The following FAM91A1 variants were observed in gnomAD, a reference collection of about 807,000 sequenced individuals.
The protein encoded by FAM91A1 is family with sequence similarity 91 member A1.
In FAM91A1, 41 loss-of-function variants were observed where a neutral mutation model predicts 113.5. That is an observed-to-expected ratio of 0.36 (90% CI 0.28 to 0.47). The LOEUF is 0.47. FAM91A1 is among the 20% of genes least tolerant of loss of function. The probability of loss-of-function intolerance (pLI) is 1.00; values close to 1 mark genes in which losing one functional copy is unlikely to be tolerated. For synonymous variants in FAM91A1, 307 were observed against 347.9 expected, an observed-to-expected ratio of 0.88 and a Z score of 1.31; for missense variants, 696 against 1,001.2, an observed-to-expected ratio of 0.70 and a Z score of 4.11.
At chr8:123,785,187 T>C in intron 10 of FAM91A1, 68 bp downstream of exon 10, 2 of 1,275,838 alleles carry the variant, frequency 1.6e-6, no homozygotes, top group Non-Finnish European at 2.2e-6. Context: ...TAGATTTTTA[T>C]CTTGATAAGC....
chr8:123,772,961 G>A (rs1814890192), intron 1 of FAM91A1, among the ~76,000 whole-genome samples: 1 of 152,180 alleles, frequency 6.6e-6, no homozygotes, highest in Non-Finnish European at 1.5e-5. Flanking sequence ...GGCTGAGGAG[G>A]AGGAGGAGGA....
At chr8:123,778,619 G>A (rs749901173) in intron 5 of FAM91A1, 40 bp from the exon 6 acceptor site, 2 of 1,441,398 alleles carry the variant, frequency 1.4e-6, no homozygotes, top group Non-Finnish European at 1.9e-6. Context: ...GAAAGTGGTA[G>A]TTTTAGATTG....
intron 15 of FAM91A1, among the ~76,000 whole-genome samples, chr8:123,794,868 A>G (rs551159705): frequency 6.6e-6 from 1 of 152,356 alleles, no homozygotes; most frequent in South Asian, 2.1e-4. Flanking sequence ...GCAGTTGCCC[A>G]TCATTTCAAG....
In FAM91A1 at chr8:123,783,688, A is replaced by T. The variant is rs188413401; in HGVS notation, c.704-782A>T. Among the ~76,000 whole-genome samples, 343 of 152,338 alleles carry T rather than the reference A, an allele frequency of 2.3e-3. 2 individuals carry two copies. The highest frequency in any genetic ancestry group is 8.0e-3 in the African/African-American group (331 of 41,586). The stretch of plus-strand genomic sequence containing the variant: ...TCCTTCTCAGGATATTTTCAGGGTG[A>T]ATGTACCCACAGGGGAGAATGGCAA... On this transcript the variant is annotated intron_variant, in intron 8 of 23. Coordinates refer to ENST00000334705, the MANE Select transcript of FAM91A1 (RefSeq NM_144963.4).
At chr8:123,812,467 G>T (rs1815980662) in intron 23 of FAM91A1, 52 bp from the exon 24 acceptor site, 1 of 1,456,124 alleles carries the variant, frequency 6.9e-7, no homozygotes, top group Admixed American at 2.3e-5. Flanking sequence ...GTTATATTAA[G>T]TGGTTTTGGT....
chr8:123,780,375 G>A (rs1417494438), intron 7 of FAM91A1, 105 bp from the exon 8 acceptor site: 2 of 864,486 alleles, frequency 2.3e-6, no homozygotes, highest in Non-Finnish European at 3.6e-6. Context: ...TCGTCACATA[G>A]CATTCATTTG....
intron 15 of FAM91A1, among the ~76,000 whole-genome samples, chr8:123,790,708 G>C (rs1023467121): frequency 2.0e-5 from 3 of 152,144 alleles, no homozygotes; most frequent in African/African-American, 7.2e-5. Flanking sequence ...TGTCACATAG[G>C]TGAGAACAAA....
intron 3 of FAM91A1, 94 bp downstream of exon 3, chr8:123,775,392 T>C: frequency 7.0e-7 from 1 of 1,431,304 alleles, no homozygotes; most frequent in Non-Finnish European, 9.5e-7. Context: ...AGCTGTCGTC[T>C]GCGGTGGACA....
chr8:123,813,469 T>G lies in FAM91A1; in HGVS notation c.*765T>G, dbSNP rs959387161. On this transcript the variant is annotated 3_prime_UTR_variant, in exon 24 of 24. Transcript: ENST00000334705. ...AAATAGAATTTATTTTCCACTCTTG[T>G]AGCTATAGCTGCTGCACACTTTCAC... The G allele has an allele frequency of 2.6e-5, 4 of 152,630 alleles. No individual in the cohort carries two copies. The highest frequency in any genetic ancestry group is 5.9e-5 in the Non-Finnish European group (4 of 68,018). 9.5% of individuals were successfully genotyped at this position (152,630 alleles called of 1,614,324 possible). A position where few individuals can be genotyped will look rare whatever the true frequency, so the allele number is the denominator to read the frequency against.
rs75965706 is a variant in FAM91A1, at chr8:123,809,657, A to G, written c.2262-625A>G. Among the ~76,000 whole-genome samples, 1,206 of 152,324 alleles carry G rather than the reference A, an allele frequency of 7.9e-3. 17 individuals carry two copies. The highest frequency in any genetic ancestry group is 0.028 in the African/African-American group (1,152 of 41,574). ...TTGGAGAGGTGAAATCCACAAGTCA[A>G]GATCTTCTTATTTTAGAAAATGAAG... On this transcript the variant is annotated intron_variant, in intron 22 of 23. Transcript: ENST00000334705.
At chr8:123,789,495 G>A in intron 14 of FAM91A1, 118 bp from the exon 15 acceptor site, 1 of 1,470,492 alleles carries the variant, frequency 6.8e-7, no homozygotes, top group East Asian at 2.4e-5. Flanking sequence ...GGTATTGCCT[G>A]GGCAAATTTT....
At chr8:123,778,614 T>A (rs1815043546) in intron 5 of FAM91A1, 45 bp from the exon 6 acceptor site, 1 of 1,282,232 alleles carries the variant, frequency 7.8e-7, no homozygotes, top group Admixed American at 1.7e-5. Flanking sequence ...AAGAAGAAAG[T>A]GGTAGTTTTA....
At chr8:123,792,136 C>G (rs774526995) in intron 15 of FAM91A1, among the ~76,000 whole-genome samples, 3 of 151,410 alleles carry the variant, frequency 2.0e-5, no homozygotes, top group Admixed American at 2.0e-4. Flanking sequence ...AATGACACCA[C>G]TGCACTCCAG....
Position 123,774,189 on chromosome 8 carries a change from G to T in FAM91A1, c.157+25G>T, listed in dbSNP as rs777335683. The T allele has an allele frequency of 2.0e-6, 3 of 1,532,696 alleles. No individual in the cohort carries two copies. In the African/African-American group the frequency reaches 4.1e-5, roughly 21 times the overall value. 94.9% of individuals were successfully genotyped at this position (1,532,696 alleles called of 1,614,324 possible). A position where few individuals can be genotyped will look rare whatever the true frequency, so the allele number is the denominator to read the frequency against. ...GGTAAGTAGAGCCATGTTTATATTGGGGTGGAACTGACCACTACTCTTTCA... is the reference window on the plus strand; with the variant it reads ...GGTAAGTAGAGCCATGTTTATATTGTGGTGGAACTGACCACTACTCTTTCA... On this transcript the variant is annotated intron_variant, in intron 2 of 23. Coordinates refer to ENST00000334705, the MANE Select transcript of FAM91A1 (RefSeq NM_144963.4).
At chr8:123,789,783 A>G (rs773355489) in intron 15 of FAM91A1, 38 bp downstream of exon 15, 2 of 1,594,594 alleles carry the variant, frequency 1.3e-6, no homozygotes, top group Non-Finnish European at 1.7e-6. Flanking sequence ...ACATGATCAT[A>G]TGAAACTTTT....
At position 123,814,279 on chromosome 8, in the gene FAM91A1, T is replaced by G; in HGVS notation, c.*1575T>G. On this transcript the variant is annotated 3_prime_UTR_variant, in exon 24 of 24. Transcript: ENST00000334705. ...TTTTTCCAATAATTGATATTGTACA[T>G]TCCTAGTGCCATTAGGTATGTATGT... is the stretch of plus-strand genomic sequence containing the variant. The G allele has an allele frequency of 3.5e-6, 1 of 286,884 alleles. No individual in the cohort carries two copies. Among genetic ancestry groups the G allele is most frequent in the South Asian group, 3.2e-5 (1 of 31,398 alleles). 17.8% of individuals were successfully genotyped at this position (286,884 alleles called of 1,614,324 possible).
At chr8:123,810,436 C>A in intron 23 of FAM91A1, 85 bp downstream of exon 23, 2 of 1,138,812 alleles carry the variant, frequency 1.8e-6, no homozygotes, top group Non-Finnish European at 2.7e-6. Context: ...TGAGTCACCA[C>A]AGCAGCAAGA....
chr8:123,798,345 A>G (rs552892929), intron 16 of FAM91A1, 107 bp downstream of exon 16: 1 of 1,316,750 alleles, frequency 7.6e-7, no homozygotes, highest in African/African-American at 1.5e-5. Flanking sequence ...AATCATAGAA[A>G]GCAATTTTGT....
intron 1 of FAM91A1, among the ~76,000 whole-genome samples, chr8:123,771,553 A>G (rs1170304213): frequency 6.6e-6 from 1 of 152,218 alleles, no homozygotes; most frequent in African/African-American, 2.4e-5. Context: ...GGTATGGGTC[A>G]TGATAGACTT....
Sources: allele counts gnomAD v4.1 joint callset (sites outside exome capture counted in the v4.1 genomes callset), GRCh38; gene constraint gnomAD v4.1.1; transcripts MANE v1.5; gene names NCBI Gene and HGNC (gene_info 2026-07-23, HGNC 2026-07-21).